Variants in EPC1 observed in about 807,000 individuals in gnomAD.
The protein encoded by EPC1 is enhancer of polycomb homolog 1.
Under a neutral mutation model 98.4 loss-of-function variants are expected in EPC1, and 12 were observed. The observed-to-expected ratio is 0.12, with a 90% CI of 0.08 to 0.20. The LOEUF (loss-of-function observed/expected upper bound fraction) is 0.20, where lower values mean the gene tolerates loss of function less well. Ranked by LOEUF, EPC1 falls within the 10% of genes least tolerant of loss-of-function variation. The pLI is 1.00. For missense variants in EPC1, 729 were observed against 990.5 expected, an observed-to-expected ratio of 0.74 and a Z score of 3.54; for synonymous variants, 357 against 363.9, an observed-to-expected ratio of 0.98 and a Z score of 0.21.
intron 1 of EPC1, among the ~76,000 whole-genome samples, chr10:32,375,872 TAATA>T (rs1215533859): frequency 6.6e-6 from 1 of 152,022 alleles, no homozygotes; most frequent in Admixed American, 6.5e-5. Context: ...CTGCTAAATT[TAATA>T]AATAAAGGTT....
intron 1 of EPC1, among the ~76,000 whole-genome samples, chr10:32,328,643 G>A (rs1837449112): frequency 6.6e-6 from 1 of 152,142 alleles, no homozygotes; most frequent in Non-Finnish European, 1.5e-5. Flanking sequence ...ACAATGGCCT[G>A]GGGAGTTCCC....
At position 32,292,501 on chromosome 10, in the gene EPC1, T is replaced by C. The variant is rs147945675; in HGVS notation, c.810A>G (p.Glu270=). 1,310 of 1,565,746 alleles carry C rather than the reference T, an allele frequency of 8.4e-4. 7 individuals are homozygous for C. The highest frequency in any genetic ancestry group is 4.4e-3 in the Middle Eastern group (19 of 4,342). The change falls in exon 5 of 14, where the codon GAA becomes GAG. Residue 270 remains glutamate (E), a synonymous_variant. Transcript: ENST00000319778. ...ELLHLTLEIM[E]KRYNLGDYNG... is the part of the protein sequence containing the mutation. Reference sequence around the variant, plus strand: ...ATTATTAAAATATACATTACCTCTTTTCCATAATTTCCAGTGTTAAGTGCA... The same window carrying C: ...ATTATTAAAATATACATTACCTCTTCTCCATAATTTCCAGTGTTAAGTGCA...
At chr10:32,346,281 C>A (rs1443319674) in intron 1 of EPC1, among the ~76,000 whole-genome samples, 1 of 152,204 alleles carries the variant, frequency 6.6e-6, no homozygotes, top group Non-Finnish European at 1.5e-5. Context: ...CGACTGTGCA[C>A]AGAACCTGCG....
chr10:32,282,799 T>C (rs1836476862), intron 10 of EPC1: 1 of 152,174 alleles, frequency 6.6e-6, no homozygotes, highest in Non-Finnish European at 1.5e-5. Flanking sequence ...GTGGAGAAGA[T>C]GGAGATTGAT....
In EPC1 at chr10:32,285,097, A is replaced by C. The variant is rs757827004; in HGVS notation, c.1392-47T>G. 7.6e-6 allele frequency: 11 copies of C among 1,454,982 alleles called. No homozygotes were observed. The African/African-American group carries it at 1.6e-4, about 21-fold the overall frequency. The allele number at this position is 1,454,982 out of a possible 1,614,324, so 90.1% of individuals were successfully genotyped here. On this transcript the variant is annotated intron_variant, in intron 9 of 13. Transcript: ENST00000319778. ...AACAGTTATTTAAAATAGCTATTCA[A>C]AGATTATATATTAAAGCTTTTTCTT...
rs570328271 is a variant in EPC1 at position 32,366,226 on chromosome 10, CT to C, written c.3+12264del. Among the ~76,000 whole-genome samples the C allele has an allele frequency of 1.8e-3, 273 of 152,238 alleles. 2 individuals carry two copies. Among genetic ancestry groups the C allele is most frequent in the African/African-American group, 6.3e-3 (261 of 41,536 alleles). On this transcript the variant is annotated intron_variant, in intron 1 of 13. Transcript: ENST00000375110. ...TGATGCTTTAATAAGTTTTCCTAACCTTGTTTTGTTTATTGGGCCCCACCTC... is the reference window on the plus strand; with the variant it reads ...TGATGCTTTAATAAGTTTTCCTAACCTGTTTTGTTTATTGGGCCCCACCTC...
intron 1 of EPC1, among the ~76,000 whole-genome samples, chr10:32,324,956 T>C (rs1209170245): frequency 1.3e-5 from 2 of 152,078 alleles, no homozygotes; most frequent in Non-Finnish European, 2.9e-5. Flanking sequence ...GCAGAGATCC[T>C]GCCACTGCTC....
intron 1 of EPC1, among the ~76,000 whole-genome samples, chr10:32,339,603 A>G (rs1014524888): frequency 2.6e-5 from 4 of 152,192 alleles, no homozygotes; most frequent in African/African-American, 4.8e-5. Flanking sequence ...CAATCATATC[A>G]TACAACTCTC....
intron 1 of EPC1, among the ~76,000 whole-genome samples, chr10:32,375,927 C>T (rs902870537): frequency 6.6e-6 from 1 of 151,854 alleles, no homozygotes; most frequent in South Asian, 2.1e-4. Flanking sequence ...CACAATCACA[C>T]CAAGCTCATG....
chr10:32,321,972 GAAGT>G (rs1003517450), intron 1 of EPC1, among the ~76,000 whole-genome samples: 9 of 151,230 alleles, frequency 6.0e-5, no homozygotes, highest in African/African-American at 1.7e-4. Flanking sequence ...TCCACCTAAG[GAAGT>G]AAGAGCAGGT....
chr10:32,279,735 T>G (rs969169637), intron 10 of EPC1, among the ~76,000 whole-genome samples: 2 of 152,152 alleles, frequency 1.3e-5, no homozygotes, highest in African/African-American at 2.4e-5. Context: ...GACTCTTACA[T>G]AAGAGTCCTT....
At chr10:32,293,789 A>C (rs751446726) in intron 2 of EPC1, 52 bp from the exon 3 acceptor site, 22 of 1,509,598 alleles carry the variant, frequency 1.5e-5, no homozygotes, top group Non-Finnish European at 1.9e-5. Context: ...CACCGACAAA[A>C]ACTCCACAGA....
intron 1 of EPC1, among the ~76,000 whole-genome samples, chr10:32,360,363 T>C (rs567014612): frequency 1.6e-4 from 25 of 152,338 alleles, no homozygotes; most frequent in Admixed American, 3.9e-4. Flanking sequence ...TCTCCAAATC[T>C]GGTCAAGCTA....
chr10:32,297,310 T>C (rs1349430861), intron 2 of EPC1, among the ~76,000 whole-genome samples: 1 of 151,580 alleles, frequency 6.6e-6, no homozygotes, highest in Non-Finnish European at 1.5e-5. Context: ...AGATGGAGTT[T>C]CGCTCTTGTT....
At chr10:32,319,646 G>C (rs151176262) in intron 1 of EPC1, among the ~76,000 whole-genome samples, 1 of 152,050 alleles carries the variant, frequency 6.6e-6, no homozygotes, top group Non-Finnish European at 1.5e-5. Context: ...AAATGTCTAC[G>C]TCATAAAAGA....
At chr10:32,324,748 C>T (rs1017418481) in intron 1 of EPC1, among the ~76,000 whole-genome samples, 10 of 151,832 alleles carry the variant, frequency 6.6e-5, no homozygotes, top group Admixed American at 1.3e-4. Context: ...AATCCCAGCA[C>T]TTTGGGAGGC....
At chr10:32,374,627 A>T (rs1045151493) in intron 1 of EPC1, 1 of 152,168 alleles carries the variant, frequency 6.6e-6, no homozygotes, top group Non-Finnish European at 1.5e-5. Flanking sequence ...ATGGAAGAAC[A>T]CTTGTCAAAT....
At chr10:32,286,613 GGATTACCT>G in intron 9 of EPC1, 73 bp downstream of exon 9, 2 of 1,507,414 alleles carry the variant, frequency 1.3e-6, no homozygotes, top group African/African-American at 1.4e-5. Context: ...TTGTTCAGAG[GGATTACCT>G]GACTTTAAAA....
At chr10:32,355,947 C>T (rs540541556) in intron 1 of EPC1, among the ~76,000 whole-genome samples, 57 of 152,240 alleles carry the variant, frequency 3.7e-4, no homozygotes, top group Non-Finnish European at 7.2e-4. Context: ...ACTACTTAAG[C>T]ATTAGTTTTA....
Sources: allele counts gnomAD v4.1 joint callset (sites outside exome capture counted in the v4.1 genomes callset), GRCh38; gene constraint gnomAD v4.1.1; transcripts MANE v1.5; gene names NCBI Gene and HGNC (gene_info 2026-07-23, HGNC 2026-07-21).